The following CTXND1 variants were observed in gnomAD, a reference collection of about 807,000 sequenced individuals.
The protein encoded by CTXND1 is cortexin domain containing 1.
Position 80,200,089 on chromosome 15 carries a change from TC to T in CTXND1, c.*1680del, listed in dbSNP as rs1167280297. The T allele has an allele frequency of 6.6e-6, 1 of 152,196 alleles. No individual in the cohort carries two copies. Among genetic ancestry groups the T allele is most frequent in the African/African-American group, 2.4e-5 (1 of 41,402 alleles). 9.4% of individuals were successfully genotyped at this position (152,196 alleles called of 1,614,324 possible). On this transcript the variant is annotated 3_prime_UTR_variant, in exon 3 of 3. Coordinates refer to ENST00000560778, the MANE Select transcript of CTXND1 (RefSeq NM_001352888.2). ...TGCTGGGAAAGGCTGCTGTGAGTGT[TC>T]CTCTGACCAAGTGGTTCCGGCTGGG...
chr15:80,236,134 CCT>C (rs1893492776), intron 1 of CTXND1, among the ~76,000 whole-genome samples: 1 of 151,338 alleles, frequency 6.6e-6, no homozygotes, highest in African/African-American at 2.4e-5. Context: ...ATGTCATGGT[CCT>C]CTCTGGGATA....
rs1286483826 is a variant in CTXND1, at chr15:80,196,433, T to A, written c.*5337A>T. 1 of 152,148 alleles carries A rather than the reference T, an allele frequency of 6.6e-6. No homozygotes were observed. Among genetic ancestry groups the A allele is most frequent in the Non-Finnish European group, 1.5e-5 (1 of 68,036 alleles). The allele number at this position is 152,148 out of a possible 1,614,324, so 9.4% of individuals were successfully genotyped here. A position where few individuals can be genotyped will look rare whatever the true frequency, so the allele number is the denominator to read the frequency against. ...AGGGACTGCCAGAAAGTAGAGGGGCTATGGAATGGGTGGTGGGAGAACAAG... is the reference window on the plus strand; with the variant it reads ...AGGGACTGCCAGAAAGTAGAGGGGCAATGGAATGGGTGGTGGGAGAACAAG... On this transcript the variant is annotated 3_prime_UTR_variant, in exon 3 of 3. Coordinates refer to ENST00000560778, the MANE Select transcript of CTXND1 (RefSeq NM_001352888.2).
At chr15:80,231,975 G>A (rs539026598) in intron 1 of CTXND1, among the ~76,000 whole-genome samples, 1 of 152,250 alleles carries the variant, frequency 6.6e-6, no homozygotes, top group East Asian at 1.9e-4. Context: ...CAGGTCCCAG[G>A]AACTTAGGAA....
At chr15:80,214,966 C>A (rs1893236143) in intron 1 of CTXND1, among the ~76,000 whole-genome samples, 3 of 152,182 alleles carry the variant, frequency 2.0e-5, no homozygotes, top group South Asian at 4.1e-4. Context: ...CAAAGGAGAT[C>A]AAAAATATAA....
intron 1 of CTXND1, among the ~76,000 whole-genome samples, chr15:80,220,269 T>C (rs1398147018): frequency 2.0e-5 from 3 of 152,208 alleles, no homozygotes; most frequent in African/African-American, 7.2e-5. Flanking sequence ...GGGGTTTATA[T>C]TTATGTCTCC....
At chr15:80,238,416 T>C (rs886786342) in intron 1 of CTXND1, among the ~76,000 whole-genome samples, 3 of 152,202 alleles carry the variant, frequency 2.0e-5, no homozygotes, top group African/African-American at 7.2e-5. Context: ...AATTTAAACA[T>C]GTAGAAACCA....
Position 80,205,923 on chromosome 15 carries a change from A to G in CTXND1, c.-217-2183T>C, listed in dbSNP as rs548732900. Among the ~76,000 whole-genome samples, 17 of 152,240 alleles carry G rather than the reference A, an allele frequency of 1.1e-4. No individual in the cohort carries two copies. The South Asian group carries it at 1.9e-3, about 17-fold the overall frequency. Reference sequence around the variant, plus strand: ...AAACCCCTGGTGTTTCAGTCACACAATCTTGAAAATCAAGTTATCCTTTAT... The same window carrying G: ...AAACCCCTGGTGTTTCAGTCACACAGTCTTGAAAATCAAGTTATCCTTTAT... On this transcript the variant is annotated intron_variant, in intron 1 of 2. Transcript: ENST00000560778.
chr15:80,231,786 T>TA (rs1337819722), intron 1 of CTXND1, among the ~76,000 whole-genome samples: 1 of 152,184 alleles, frequency 6.6e-6, no homozygotes, highest in African/African-American at 2.4e-5. Context: ...TAACTTTTAT[T>TA]AAAAAATTTT....
At position 80,196,549 on chromosome 15, in the gene CTXND1, T is replaced by G. The variant is rs1378396298; in HGVS notation, c.*5221A>C. On this transcript the variant is annotated 3_prime_UTR_variant, in exon 3 of 3. Coordinates refer to ENST00000560778, the MANE Select transcript of CTXND1 (RefSeq NM_001352888.2). ...AGGAAGTGTTCCACTTACCCGGGAC[T>G]GGCTACATTATGATTTAAGTTGCAG... 6.6e-6 allele frequency: 1 copy of G among 152,234 alleles called. No homozygotes were observed. The highest frequency in any genetic ancestry group is 1.5e-5 in the Non-Finnish European group (1 of 68,052). The allele number at this position is 152,234 out of a possible 1,614,324, so 9.4% of individuals were successfully genotyped here.
chr15:80,230,569 TG>T (rs1893416848), intron 1 of CTXND1, among the ~76,000 whole-genome samples: 1 of 152,212 alleles, frequency 6.6e-6, no homozygotes, highest in South Asian at 2.1e-4. Context: ...TTCCTTCTTT[TG>T]ATTTTCTTTG....
intron 1 of CTXND1, among the ~76,000 whole-genome samples, chr15:80,218,935 AT>A (rs34740302): frequency 4.9e-4 from 71 of 144,166 alleles, no homozygotes; most frequent in South Asian, 1.3e-3. Context: ...ATTTTCTGTG[AT>A]TTTTTTTTTT....
chr15:80,239,518 C>G (rs545823346), intron 1 of CTXND1, among the ~76,000 whole-genome samples: 5 of 152,200 alleles, frequency 3.3e-5, no homozygotes, highest in Non-Finnish European at 7.3e-5. Flanking sequence ...AGCCTCCCTG[C>G]CTACATCTTT....
intron 1 of CTXND1, among the ~76,000 whole-genome samples, chr15:80,208,026 C>T (rs1383220436): frequency 6.6e-6 from 1 of 152,186 alleles, no homozygotes; most frequent in Non-Finnish European, 1.5e-5. Flanking sequence ...GAACATTGGC[C>T]ATTCATTAAT....
chr15:80,246,081 T>C (rs1473154570), intron 1 of CTXND1, among the ~76,000 whole-genome samples: 1 of 152,206 alleles, frequency 6.6e-6, no homozygotes, highest in Non-Finnish European at 1.5e-5. Flanking sequence ...AATTTCCACC[T>C]AGCACATCTG....
At chr15:80,214,324 A>T (rs542416292) in intron 1 of CTXND1, among the ~76,000 whole-genome samples, 1 of 152,334 alleles carries the variant, frequency 6.6e-6, no homozygotes, top group South Asian at 2.1e-4. Flanking sequence ...GAATAATACA[A>T]TTAATTAGCT....
At position 80,209,518 on chromosome 15, in the gene CTXND1, A is replaced by T. The variant is rs188719165; in HGVS notation, c.-217-5778T>A. On this transcript the variant is annotated intron_variant, in intron 1 of 2. Coordinates refer to ENST00000560778, the MANE Select transcript of CTXND1 (RefSeq NM_001352888.2). ...GAGTCAGGGACTCTGACCTAGGCGA[A>T]TGAGTGACCCTCAAAGAAAGTGGCC... Among the ~76,000 whole-genome samples, 58 of 152,344 alleles carry T rather than the reference A, an allele frequency of 3.8e-4. 2 individuals carry two copies.
intron 2 of CTXND1, among the ~76,000 whole-genome samples, 156 bp from the exon 3 acceptor site, chr15:80,202,170 A>G (rs537448178): frequency 3.4e-5 from 5 of 147,500 alleles, no homozygotes; most frequent in Admixed American, 3.4e-4. Context: ...GGATGGGTAC[A>G]CATGGACCCA....
intron 1 of CTXND1, among the ~76,000 whole-genome samples, chr15:80,213,447 A>G (rs1386528312): frequency 1.3e-5 from 2 of 152,102 alleles, no homozygotes; most frequent in Non-Finnish European, 2.9e-5. Flanking sequence ...GGATTGGGGG[A>G]ATTATCCTGA....
chr15:80,237,256 A>T (rs1893510776), intron 1 of CTXND1, among the ~76,000 whole-genome samples: 2 of 150,960 alleles, frequency 1.3e-5, no homozygotes, highest in South Asian at 4.2e-4. Context: ...AATGTCCTGA[A>T]CCTGGGAGGT....
Sources: allele counts gnomAD v4.1 joint callset (sites outside exome capture counted in the v4.1 genomes callset), GRCh38; gene constraint gnomAD v4.1.1; transcripts MANE v1.5; gene names NCBI Gene and HGNC (gene_info 2026-07-23, HGNC 2026-07-21).